Variants in EIPR1 observed in about 807,000 individuals in gnomAD.
EIPR1 encodes the protein EARP and GARP complex-interacting protein 1.
Under a neutral mutation model 48.1 loss-of-function variants are expected in EIPR1, and 25 were observed. The ratio of observed to expected loss-of-function variants is 0.52; its 90% confidence interval spans 0.38 to 0.73. EIPR1 has a LOEUF of 0.73. EIPR1 is among the 30% of genes least tolerant of loss of function. The pLI is 0.00. For missense variants in EIPR1, 415 were observed against 506.2 expected (o/e 0.82, Z 1.73); for synonymous variants, 204 against 201.9 (o/e 1.01, Z -0.09).
intron 3 of EIPR1, among the ~76,000 whole-genome samples, chr2:3,280,236 C>G (rs982612210): frequency 6.6e-6 from 1 of 152,268 alleles, no homozygotes; most frequent in South Asian, 2.1e-4. Context: ...CGGAGCCTCA[C>G]AGGTTGCAAA....
At chr2:3,332,865 T>A (rs1462933309) in intron 3 of EIPR1, among the ~76,000 whole-genome samples, 1 of 152,212 alleles carries the variant, frequency 6.6e-6, no homozygotes, top group Non-Finnish European at 1.5e-5. Context: ...CAGTTATAAA[T>A]CCCTATCAGT....
At chr2:3,287,895 T>TCCA (rs1558275356) in intron 3 of EIPR1, among the ~76,000 whole-genome samples, 3 of 152,160 alleles carry the variant, frequency 2.0e-5, no homozygotes, top group South Asian at 2.1e-4. Flanking sequence ...TTCGGCATGC[T>TCCA]GTAGCCCCTA....
chr2:3,240,702 C>T (rs1572343417), intron 4 of EIPR1, among the ~76,000 whole-genome samples: 2 of 143,150 alleles, frequency 1.4e-5, no homozygotes, highest in Non-Finnish European at 1.5e-5. Flanking sequence ...AAAGCAAAGC[C>T]AGCAGATCCC....
intron 4 of EIPR1, among the ~76,000 whole-genome samples, chr2:3,242,180 C>G (rs1314930393): frequency 6.7e-6 from 1 of 150,136 alleles, no homozygotes; most frequent in Non-Finnish European, 1.5e-5. Flanking sequence ...ACACCACAGG[C>G]CCGGCAGCAG....
intron 3 of EIPR1, among the ~76,000 whole-genome samples, chr2:3,302,851 C>T (rs1034526719): frequency 6.6e-6 from 1 of 152,196 alleles, no homozygotes; most frequent in Non-Finnish European, 1.5e-5. Flanking sequence ...GTCTGGCATG[C>T]AGCAGAGAGG....
intron 3 of EIPR1, among the ~76,000 whole-genome samples, chr2:3,311,731 G>A (rs535590378): frequency 2.0e-5 from 3 of 151,992 alleles, no homozygotes; most frequent in South Asian, 4.2e-4. Flanking sequence ...AGGTGTGGGC[G>A]GCAGCTCCAG....
At chr2:3,227,307 T>C (rs972072549) in intron 4 of EIPR1, among the ~76,000 whole-genome samples, 27 of 152,166 alleles carry the variant, frequency 1.8e-4, no homozygotes, top group Admixed American at 1.6e-3. Context: ...GACAATAAAG[T>C]CGAGGCTGAG....
intron 4 of EIPR1, chr2:3,214,589 A>C (rs1572304662): frequency 5.3e-6 from 1 of 187,192 alleles, no homozygotes; most frequent in South Asian, 1.2e-4. Context: ...GATGCACCTA[A>C]CCCACTCATC....
At chr2:3,197,927 G>A (rs1050300323) in intron 5 of EIPR1, among the ~76,000 whole-genome samples, 5 of 152,190 alleles carry the variant, frequency 3.3e-5, no homozygotes, top group Admixed American at 6.5e-5. Flanking sequence ...AGGTCCAAAC[G>A]AGCTGCTAGA....
chr2:3,242,321 C>T (rs112480672), intron 4 of EIPR1, among the ~76,000 whole-genome samples: 4 of 15,606 alleles, frequency 2.6e-4, no homozygotes, highest in African/African-American at 4.4e-4. Context: ...CAGCAGCCAC[C>T]GATGGCTGGA....
At chr2:3,280,225 C>T (rs1334435122) in intron 3 of EIPR1, among the ~76,000 whole-genome samples, 1 of 152,238 alleles carries the variant, frequency 6.6e-6, no homozygotes, top group African/African-American at 2.4e-5. Context: ...AAACCTGAGT[C>T]CGGAGCCTCA....
intron 2 of EIPR1, among the ~76,000 whole-genome samples, chr2:3,340,308 C>CG (rs936188225): frequency 1.3e-5 from 2 of 152,208 alleles, no homozygotes; most frequent in Non-Finnish European, 2.9e-5. Flanking sequence ...CCGCCAGCAC[C>CG]GGGTCCTGGG....
intron 5 of EIPR1, among the ~76,000 whole-genome samples, chr2:3,204,086 G>A (rs1665140851): frequency 1.3e-5 from 2 of 152,358 alleles, no homozygotes; most frequent in Middle Eastern, 6.8e-3. Context: ...CTAACACGAG[G>A]CACTGACCAG....
chr2:3,191,044 T>C (rs1664587789), intron 8 of EIPR1, among the ~76,000 whole-genome samples: 1 of 152,220 alleles, frequency 6.6e-6, no homozygotes, highest in South Asian at 2.1e-4. Flanking sequence ...CAGTGAGCCA[T>C]GATCGTGCCA....
intron 5 of EIPR1, among the ~76,000 whole-genome samples, chr2:3,199,893 T>TGGG (rs562250605): frequency 5.6e-5 from 3 of 53,172 alleles, no homozygotes; most frequent in African/African-American, 7.7e-5. Flanking sequence ...TGGGCAGGCA[T>TGGG]GGGGGGTGTG....
intron 3 of EIPR1, among the ~76,000 whole-genome samples, chr2:3,307,438 G>A (rs1222136552): frequency 1.3e-5 from 2 of 152,204 alleles, no homozygotes; most frequent in East Asian, 1.9e-4. Flanking sequence ...TGTTCATGCA[G>A]GAGCCCTACC....
chr2:3,356,622 C>T (rs956838594), intron 1 of EIPR1, among the ~76,000 whole-genome samples: 3 of 152,188 alleles, frequency 2.0e-5, no homozygotes, highest in Non-Finnish European at 2.9e-5. Flanking sequence ...TGAATGTGAA[C>T]TTACGCGGTA....
At chr2:3,276,215 TGC>T (rs1484293516) in intron 3 of EIPR1, among the ~76,000 whole-genome samples, 14 of 152,244 alleles carry the variant, frequency 9.2e-5, no homozygotes, top group Admixed American at 9.2e-4. Flanking sequence ...TTTACTTCCT[TGC>T]TGTTGCAAAT....
chr2:3,238,817 C>A (rs778561351), intron 4 of EIPR1, among the ~76,000 whole-genome samples: 1 of 152,208 alleles, frequency 6.6e-6, no homozygotes, highest in Non-Finnish European at 1.5e-5. Flanking sequence ...CCCTGAGATT[C>A]CCAGACAAGA....
Sources: allele counts gnomAD v4.1 joint callset (sites outside exome capture counted in the v4.1 genomes callset), GRCh38; gene constraint gnomAD v4.1.1; transcripts MANE v1.5; gene names NCBI Gene and HGNC (gene_info 2026-07-23, HGNC 2026-07-21).